The following PCDHGA12 variants were observed in gnomAD, a reference collection of about 807,000 sequenced individuals.
PCDHGA12 encodes protocadherin gamma subfamily A, 12, also known as protocadherin gamma-A12.
A neutral mutation model predicts 61.1 loss-of-function variants in PCDHGA12; 43 were observed. That is an observed-to-expected ratio of 0.70 (90% CI 0.55 to 0.91). The LOEUF (loss-of-function observed/expected upper bound fraction) is 0.91, where lower values mean the gene tolerates loss of function less well. Ranked by LOEUF, PCDHGA12 falls within the 40% of genes least tolerant of loss-of-function variation. PCDHGA12 has a pLI of 0.00. For synonymous variants in PCDHGA12, 520 were observed against 542.9 expected (o/e 0.96, Z 0.59); for missense variants, 1,236 against 1,227.7 (o/e 1.01, Z -0.10).
intron 1 of PCDHGA12, among the ~76,000 whole-genome samples, chr5:141,437,026 A>G (rs1398960659): frequency 6.6e-6 from 1 of 152,258 alleles, no homozygotes; most frequent in Non-Finnish European, 1.5e-5. Context: ...TCACCAGAAA[A>G]TGGATCACCG....
chr5:141,450,568 C>A (rs2098685790), intron 1 of PCDHGA12, among the ~76,000 whole-genome samples: 1 of 152,002 alleles, frequency 6.6e-6, no homozygotes. Flanking sequence ...CTCACTGCAA[C>A]TTCTGCCTCC....
chr5:141,440,780 C>T (rs748247053), intron 1 of PCDHGA12: 1 of 152,158 alleles, frequency 6.6e-6, no homozygotes, highest in African/African-American at 2.4e-5. Flanking sequence ...GTGCTAGCAG[C>T]CTTAGACGGC....
rs115982940 is a variant in PCDHGA12, at chr5:141,457,996, G to A, written c.2424+24813G>A. On this transcript the variant is annotated intron_variant, in intron 1 of 3. Transcript: ENST00000252085. ...AACACACCCTTTCAGTTAAAGCCTTGGCAAAATAACCGGTTTTTCCAATTG... is the reference window on the plus strand; with the variant it reads ...AACACACCCTTTCAGTTAAAGCCTTAGCAAAATAACCGGTTTTTCCAATTG... Among the ~76,000 whole-genome samples the A allele has an allele frequency of 2.4e-3, 372 of 152,212 alleles. 2 individuals carry two copies. Among genetic ancestry groups the A allele is most frequent in the African/African-American group, 8.4e-3 (347 of 41,522 alleles).
rs778246278 is a variant in PCDHGA12 at position 141,491,522 on chromosome 5, A to C, written c.2425-3285A>C. The C allele has an allele frequency of 6.2e-6, 10 of 1,614,024 alleles. No individual in the cohort carries two copies. The highest frequency in any genetic ancestry group is 8.5e-6 in the Non-Finnish European group (10 of 1,180,002). ...TCGGACGGCACGCTCAAGTACATGGAGGTGACGCTGCGGCCCACAGACTCG... is the reference window on the plus strand; with the variant it reads ...TCGGACGGCACGCTCAAGTACATGGCGGTGACGCTGCGGCCCACAGACTCG... On this transcript the variant is annotated intron_variant, in intron 1 of 3. Coordinates refer to ENST00000252085, the MANE Select transcript of PCDHGA12 (RefSeq NM_003735.3). The surrounding 1 kb of genome is among the most constrained non-coding windows in gnomAD (Gnocchi z 6.9).
Position 141,432,581 on chromosome 5 carries a change from C to T in PCDHGA12, c.1822C>T (p.Leu608=). 6.2e-7 allele frequency: 1 copy of T among 1,613,930 alleles called. No homozygotes were observed. The highest frequency in any genetic ancestry group is 8.5e-7 in the Non-Finnish European group (1 of 1,179,974). Residue 608 remains leucine (L), a synonymous_variant, in exon 1 of 4, where the codon CTG becomes TTG. Coordinates refer to ENST00000252085, the MANE Select transcript of PCDHGA12 (RefSeq NM_003735.3). The surrounding 1 kb of genome is among the most constrained non-coding windows in gnomAD (Gnocchi z 6.0). ...SGQNAWLSYR[L]LKASEPGLFS... is the part of the protein sequence containing the mutation. ...CCAGAACGCCTGGCTGTCCTACCGT[C>T]TGCTCAAGGCCAGCGAGCCGGGACT...
At position 141,477,879 on chromosome 5, in the gene PCDHGA12, A is replaced by T. The variant is rs932363258; in HGVS notation, c.2425-16928A>T. The T allele has an allele frequency of 3.4e-5, 55 of 1,614,060 alleles. No homozygotes were observed. The highest frequency in any genetic ancestry group is 4.6e-5 in the Non-Finnish European group (54 of 1,180,034). ...CTGCCTCGAGGTACCTCAGCTGGCCACCTAGTGTCACGGGTGGTAGGCTGG... is the reference window on the plus strand; with the variant it reads ...CTGCCTCGAGGTACCTCAGCTGGCCTCCTAGTGTCACGGGTGGTAGGCTGG... On this transcript the variant is annotated intron_variant, in intron 1 of 3. Coordinates refer to ENST00000252085, the MANE Select transcript of PCDHGA12 (RefSeq NM_003735.3). This position sits in a 1 kb window ranked among gnomAD's most constrained non-coding sequence, Gnocchi z 4.9.
chr5:141,490,700 C>T lies in PCDHGA12; in HGVS notation c.2425-4107C>T. The T allele has an allele frequency of 6.2e-7, 1 of 1,614,152 alleles. No individual in the cohort carries two copies. Among genetic ancestry groups the T allele is most frequent in the Non-Finnish European group, 8.5e-7 (1 of 1,179,984 alleles). ...TCAGATCCAGACACTGGGGATAATG[C>T]CCGCCTCACCTACTCCATTGTAGGA... On this transcript the variant is annotated intron_variant, in intron 1 of 3. Transcript: ENST00000252085. This position sits in a 1 kb window ranked among gnomAD's most constrained non-coding sequence, Gnocchi z 5.4.
intron 1 of PCDHGA12, among the ~76,000 whole-genome samples, chr5:141,467,680 T>A (rs75237059): frequency 6.6e-6 from 1 of 152,138 alleles, no homozygotes; most frequent in Non-Finnish European, 1.5e-5. Flanking sequence ...TTATTTTTTT[T>A]AGACAGGGTC....
chr5:141,430,625 G>T lies in PCDHGA12; in HGVS notation c.-135G>T. On this transcript the variant is annotated 5_prime_UTR_variant, in exon 1 of 4. An upstream start codon of the reference 5' UTR is lost. Coordinates refer to ENST00000252085, the MANE Select transcript of PCDHGA12 (RefSeq NM_003735.3). Reference sequence around the variant, plus strand: ...AAGCACAAAGCAGATAGCTAGGAATGAACCATCCCTGGGAGTATGTGGAAA... The same window carrying T: ...AAGCACAAAGCAGATAGCTAGGAATTAACCATCCCTGGGAGTATGTGGAAA... 1.3e-6 allele frequency: 1 copy of T among 788,104 alleles called. No homozygotes were observed. The highest frequency in any genetic ancestry group is 1.9e-6 in the Non-Finnish European group (1 of 531,624). 48.8% of individuals were successfully genotyped at this position (788,104 alleles called of 1,614,324 possible).
intron 1 of PCDHGA12, among the ~76,000 whole-genome samples, chr5:141,438,454 T>C (rs2097961593): frequency 6.6e-6 from 1 of 151,734 alleles, no homozygotes; most frequent in Admixed American, 6.6e-5. Flanking sequence ...AATACAATGC[T>C]TGAGTTCAAT....
rs2097383403 is a variant in PCDHGA12 at position 141,431,483 on chromosome 5, T to C, written c.724T>C (p.Phe242Leu). Residue 242 changes from phenylalanine to leucine, a missense_variant, in exon 1 of 4, where the codon TTT becomes CTT. Coordinates refer to ENST00000252085, the MANE Select transcript of PCDHGA12 (RefSeq NM_003735.3). This position sits in a 1 kb window ranked among gnomAD's most constrained non-coding sequence, Gnocchi z 4.8. ...GGATGCGAACGACAACGCACCAGCG[T>C]TTGCTCAGCCCGAGTACCGCGCGAG... ...VLDANDNAPA[F>L]AQPEYRASVP... is the part of the protein sequence containing the mutation. 2 of 1,613,758 alleles carry C rather than the reference T, an allele frequency of 1.2e-6. No homozygotes were observed. The highest frequency in any genetic ancestry group is 2.7e-5 in the African/African-American group (2 of 74,938).
intron 1 of PCDHGA12, among the ~76,000 whole-genome samples, chr5:141,481,426 A>G (rs1431602618): frequency 6.6e-6 from 1 of 152,238 alleles, no homozygotes; most frequent in Non-Finnish European, 1.5e-5. Flanking sequence ...TGTGATGATG[A>G]TTGTATCAGT....
At chr5:141,471,495 T>A (rs539663010) in intron 1 of PCDHGA12, 1 of 152,318 alleles carries the variant, frequency 6.6e-6, no homozygotes, top group East Asian at 1.9e-4. Flanking sequence ...ATTTAGGGAA[T>A]GCAAGAGAGG....
intron 1 of PCDHGA12, chr5:141,441,837 G>A (rs952709777): frequency 2.8e-6 from 1 of 354,138 alleles, no homozygotes. Context: ...ATGGCTTCGC[G>A]CTCTTGGATA....
chr5:141,490,640 G>C lies in PCDHGA12; in HGVS notation c.2425-4167G>C, dbSNP rs774630488. 1 of 1,614,122 alleles carries C rather than the reference G, an allele frequency of 6.2e-7. No individual in the cohort carries two copies. The highest frequency in any genetic ancestry group is 8.5e-7 in the Non-Finnish European group (1 of 1,180,012). On this transcript the variant is annotated intron_variant, in intron 1 of 3. Coordinates refer to ENST00000252085, the MANE Select transcript of PCDHGA12 (RefSeq NM_003735.3). This position sits in a 1 kb window ranked among gnomAD's most constrained non-coding sequence, Gnocchi z 5.4. The stretch of plus-strand genomic sequence containing the variant: ...TACACTGCTTACATCCTAGAAAACC[G>C]GCCTCCGGGCTCCCTTCTTTGCACT...
chr5:141,448,122 C>A (rs1315243727), intron 1 of PCDHGA12, among the ~76,000 whole-genome samples: 1 of 151,820 alleles, frequency 6.6e-6, no homozygotes, highest in Non-Finnish European at 1.5e-5. Context: ...AAATTAGCCT[C>A]CCCCACCCTC....
Position 141,491,034 on chromosome 5 carries a change from T to G in PCDHGA12, c.2425-3773T>G, listed in dbSNP as rs375902824. 1 of 1,614,170 alleles carries G rather than the reference T, an allele frequency of 6.2e-7. No homozygotes were observed. The highest frequency in any genetic ancestry group is 8.5e-7 in the Non-Finnish European group (1 of 1,180,024). On this transcript the variant is annotated intron_variant, in intron 1 of 3. Coordinates refer to ENST00000252085, the MANE Select transcript of PCDHGA12 (RefSeq NM_003735.3). The surrounding 1 kb of genome is among the most constrained non-coding windows in gnomAD (Gnocchi z 6.9). ...CCAAGGTGACAGCCGTGGATGCTGATGCAGGCCACAATGCGTGGCTCTCCT... is the reference window on the plus strand; with the variant it reads ...CCAAGGTGACAGCCGTGGATGCTGAGGCAGGCCACAATGCGTGGCTCTCCT...
Position 141,491,504 on chromosome 5 carries a change from G to T in PCDHGA12, c.2425-3303G>T. 6.2e-7 allele frequency: 1 copy of T among 1,614,048 alleles called. No homozygotes were observed. The highest frequency in any genetic ancestry group is 2.2e-5 in the East Asian group (1 of 44,876). Reference sequence around the variant, plus strand: ...CCCAACCTGCAGGTGAGCTCGGACGGCACGCTCAAGTACATGGAGGTGACG... The same window carrying T: ...CCCAACCTGCAGGTGAGCTCGGACGTCACGCTCAAGTACATGGAGGTGACG... On this transcript the variant is annotated intron_variant, in intron 1 of 3. Transcript: ENST00000252085. The surrounding 1 kb of genome is among the most constrained non-coding windows in gnomAD (Gnocchi z 6.9).
At position 141,431,017 on chromosome 5, in the gene PCDHGA12, G is replaced by A. The variant is rs768036730; in HGVS notation, c.258G>A (p.Thr86=). 2.5e-6 allele frequency: 4 copies of A among 1,613,768 alleles called. No homozygotes were observed. Among genetic ancestry groups the A allele is most frequent in the South Asian group, 1.1e-5 (1 of 91,084 alleles). ...ALNPRSGSLV[T]AGRIDREELC... ...ATCCGCGCAGCGGCAGCTTGGTCAC[G>A]GCGGGCAGGATAGACCGGGAGGAGC... Residue 86 remains threonine (T), a synonymous_variant, in exon 1 of 4, where the codon ACG becomes ACA. Transcript: ENST00000252085. This position sits in a 1 kb window ranked among gnomAD's most constrained non-coding sequence, Gnocchi z 4.8.
Sources: allele counts gnomAD v4.1 joint callset (sites outside exome capture counted in the v4.1 genomes callset), GRCh38; gene constraint gnomAD v4.1.1; non-coding constraint Gnocchi (gnomAD v3.1); transcripts MANE v1.5; gene names NCBI Gene and HGNC (gene_info 2026-07-23, HGNC 2026-07-21).